SCML2: variants seen among roughly 807,000 people sequenced by gnomAD.
The protein encoded by SCML2 is sex comb on midleg-like protein 2.
SCML2 carries 6 observed loss-of-function variants against 48.4 expected under a neutral mutation model. The ratio of observed to expected loss-of-function variants is 0.12; its 90% confidence interval spans 0.07 to 0.24. The LOEUF is 0.24. Among genes scored for constraint, SCML2 ranks in the 10% least tolerant of loss-of-function variants. SCML2 has a pLI of 1.00. For synonymous variants in SCML2, 181 were observed against 189.5 expected, an observed-to-expected ratio of 0.95 and a Z score of 0.37; for missense variants, 377 against 528.2, an observed-to-expected ratio of 0.71 and a Z score of 2.81.
intron 9 of SCML2, among the ~76,000 whole-genome samples, 166 bp downstream of exon 9, chrX:18,260,005 G>T (rs1323297666): frequency 8.9e-6 from 1 of 111,863 alleles, no homozygotes; most frequent in Non-Finnish European, 1.9e-5. Context: ...ATGTAAAATG[G>T]AACAATCAGA....
chrX:18,278,083 G>T (rs1042434411), intron 7 of SCML2, among the ~76,000 whole-genome samples: 2 of 112,342 alleles, frequency 1.8e-5, no homozygotes, highest in African/African-American at 6.5e-5. Context: ...ACTTGAGCCT[G>T]GAAGGCAGAG....
chrX:18,317,007 C>T (rs1279526105), intron 6 of SCML2, among the ~76,000 whole-genome samples: 1 of 112,320 alleles, frequency 8.9e-6, no homozygotes, highest in Non-Finnish European at 1.9e-5. Flanking sequence ...GGACTGCTGC[C>T]TTAGAATACC....
At chrX:18,308,711 C>T (rs1928846800) in intron 6 of SCML2, among the ~76,000 whole-genome samples, 1 of 111,009 alleles carries the variant, frequency 9.0e-6, no homozygotes, top group Non-Finnish European at 1.9e-5. Flanking sequence ...TCTGGGGGTA[C>T]ATAACCAAAA....
intron 7 of SCML2, among the ~76,000 whole-genome samples, chrX:18,287,098 T>A (rs1928079753): frequency 9.0e-6 from 1 of 111,486 alleles, no homozygotes. Context: ...CCATGTAGGT[T>A]TCCCTCTCAA....
At chrX:18,351,095 C>T (rs1237627995) in intron 1 of SCML2, among the ~76,000 whole-genome samples, 1 of 110,383 alleles carries the variant, frequency 9.1e-6, no homozygotes, top group Non-Finnish European at 1.9e-5. Flanking sequence ...CTAGGTGAAA[C>T]CCCGTCTCTA....
chrX:18,284,010 A>G (rs918421429), intron 7 of SCML2, among the ~76,000 whole-genome samples: 4 of 112,116 alleles, frequency 3.6e-5, no homozygotes, highest in Non-Finnish European at 5.6e-5. Flanking sequence ...ACAAAGCCAG[A>G]GGTATCACAC....
rs753348424 is a variant in SCML2 at position 18,241,207 on chromosome X, C to T, written c.*44G>A. ...AAATACTTTTAAATTAAAATGTTAA[C>T]AGTACACCTGAGAATTATGTCCAAT... On this transcript the variant is annotated 3_prime_UTR_variant, in exon 15 of 15. Coordinates refer to ENST00000251900, the MANE Select transcript of SCML2 (RefSeq NM_006089.3). 6.5e-6 allele frequency: 7 copies of T among 1,076,726 alleles called. No homozygotes were observed. Among genetic ancestry groups the T allele is most frequent in the Non-Finnish European group, 3.7e-6 (3 of 802,148 alleles). The allele number at this position is 1,076,726 out of a possible 1,213,427, so 88.7% of individuals were successfully genotyped here.
intron 8 of SCML2, 84 bp downstream of exon 8, chrX:18,265,501 C>T: frequency 1.4e-6 from 1 of 738,072 alleles, no homozygotes; most frequent in Non-Finnish European, 2.0e-6. Context: ...TCATCATACT[C>T]TTAGTAAATT....
chrX:18,259,559 C>T (rs1310730767), intron 9 of SCML2, among the ~76,000 whole-genome samples: 1 of 111,737 alleles, frequency 8.9e-6, no homozygotes, highest in Non-Finnish European at 1.9e-5. Flanking sequence ...TTCTACTGAA[C>T]ACAAGCGAAG....
chrX:18,346,280 C>T (rs988101959), intron 1 of SCML2, among the ~76,000 whole-genome samples: 3 of 110,028 alleles, frequency 2.7e-5, no homozygotes, highest in South Asian at 3.9e-4. Flanking sequence ...CTAGGATGTT[C>T]ATGGTCTCAA....
chrX:18,295,977 T>G (rs985090869), intron 7 of SCML2, among the ~76,000 whole-genome samples: 1 of 111,537 alleles, frequency 9.0e-6, no homozygotes, highest in African/African-American at 3.3e-5. Context: ...ATTTCCCCTA[T>G]AAAAGCCAGT....
chrX:18,252,364 T>A (rs1043011076), intron 11 of SCML2, among the ~76,000 whole-genome samples: 1 of 112,657 alleles, frequency 8.9e-6, no homozygotes, highest in Non-Finnish European at 1.9e-5. Flanking sequence ...TCTATTAATA[T>A]GAAATGTCTA....
At chrX:18,306,960 T>C (rs1928775798) in intron 6 of SCML2, among the ~76,000 whole-genome samples, 1 of 111,193 alleles carries the variant, frequency 9.0e-6, no homozygotes, top group Non-Finnish European at 1.9e-5. Flanking sequence ...TGAGCTACCA[T>C]GCCAGGCTGA....
intron 2 of SCML2, among the ~76,000 whole-genome samples, chrX:18,331,152 C>T (rs1270520583): frequency 1.9e-5 from 2 of 103,403 alleles, no homozygotes; most frequent in East Asian, 6.4e-4. Context: ...CCCAGCTACT[C>T]GGGCAGCTGA....
chrX:18,277,258 A>G (rs1453579286), intron 7 of SCML2, among the ~76,000 whole-genome samples: 2 of 110,903 alleles, frequency 1.8e-5, no homozygotes, highest in Non-Finnish European at 3.8e-5. Flanking sequence ...TTTTGAAGAG[A>G]CAGAGTTTCA....
At chrX:18,343,774 A>G (rs1297820674) in intron 1 of SCML2, among the ~76,000 whole-genome samples, 6 of 105,573 alleles carry the variant, frequency 5.7e-5, no homozygotes, top group Non-Finnish European at 7.8e-5. Flanking sequence ...AAAAAAAAAA[A>G]AAAAAGAAAA....
intron 6 of SCML2, among the ~76,000 whole-genome samples, chrX:18,318,518 A>G (rs1257549323): frequency 8.9e-6 from 1 of 112,463 alleles, no homozygotes; most frequent in Non-Finnish European, 1.9e-5. Flanking sequence ...AAGAACATAA[A>G]CTACTTTGGA....
At chrX:18,316,820 T>C (rs1929136191) in intron 6 of SCML2, among the ~76,000 whole-genome samples, 1 of 112,316 alleles carries the variant, frequency 8.9e-6, no homozygotes, top group South Asian at 3.7e-4. Flanking sequence ...GGCATTAGAT[T>C]CTCATACGAG....
At chrX:18,285,641 C>A (rs1047377042) in intron 7 of SCML2, among the ~76,000 whole-genome samples, 1 of 110,949 alleles carries the variant, frequency 9.0e-6, no homozygotes, top group African/African-American at 3.3e-5. Context: ...CAATCCTGTA[C>A]ATGTACCGTC....
Sources: allele counts gnomAD v4.1 joint callset (sites outside exome capture counted in the v4.1 genomes callset), GRCh38; gene constraint gnomAD v4.1.1; transcripts MANE v1.5; gene names NCBI Gene and HGNC (gene_info 2026-07-23, HGNC 2026-07-21).